Variants in ZFAND2A observed in about 807,000 individuals in gnomAD.
ZFAND2A encodes AN1-type zinc finger protein 2A.
A neutral mutation model predicts 11.6 loss-of-function variants in ZFAND2A; 20 were observed. The ratio of observed to expected loss-of-function variants is 1.72; its 90% CI spans 1.21 to 2.50. ZFAND2A has a LOEUF of 2.50. ZFAND2A is among the 30% of genes most tolerant of loss of function. ZFAND2A has a pLI of 0.00. For synonymous variants in ZFAND2A, 93 were observed against 60.6 expected (o/e 1.54, Z -2.48); for missense variants, 234 against 182.9 (o/e 1.28, Z -1.61).
chr7:1,157,559 A>T (rs1793558453), intron 3 of ZFAND2A, 97 bp downstream of exon 3: 2 of 1,213,468 alleles, frequency 1.6e-6, no homozygotes, highest in Non-Finnish European at 2.3e-6. Context: ...TTAATTTTCA[A>T]TGAGTTAGCC....
At chr7:1,149,608 G>A (rs1439543075), downstream of ZFAND2A, among the ~76,000 whole-genome samples, 1 of 152,224 alleles carries the variant, frequency 6.6e-6, no homozygotes. Flanking sequence ...TGTCGTGCAA[G>A]CATCCTACAG....
chr7:1,149,605 C>T (rs1793361132), downstream of ZFAND2A, among the ~76,000 whole-genome samples: 1 of 152,234 alleles, frequency 6.6e-6, no homozygotes, highest in African/African-American at 2.4e-5. Flanking sequence ...CATTGTCGTG[C>T]AAGCATCCTA....
At chr7:1,152,589 T>C (rs907664028), downstream of ZFAND2A, among the ~76,000 whole-genome samples, 1 of 152,190 alleles carries the variant, frequency 6.6e-6, no homozygotes, top group Non-Finnish European at 1.5e-5. Flanking sequence ...TGTGACCTTC[T>C]GTGGACACAG....
At chr7:1,156,725 G>T (rs1584028579) in intron 3 of ZFAND2A, among the ~76,000 whole-genome samples, 1 of 152,382 alleles carries the variant, frequency 6.6e-6, no homozygotes, top group East Asian at 1.9e-4. Flanking sequence ...ACGGAATTAT[G>T]AGCACACCCG....
chr7:1,149,820 T>C (rs560058586), downstream of ZFAND2A, among the ~76,000 whole-genome samples: 14 of 151,684 alleles, frequency 9.2e-5, no homozygotes, highest in African/African-American at 3.4e-4. Context: ...CCCAGTGTTC[T>C]GTGGGACTGC....
chr7:1,158,015 G>A, intron 2 of ZFAND2A, 143 bp downstream of exon 2: 1 of 873,942 alleles, frequency 1.1e-6, no homozygotes. Flanking sequence ...TGGATGCTAA[G>A]TGTCAAACAG....
chr7:1,159,577 C>A (rs1384342714), intron 1 of ZFAND2A, among the ~76,000 whole-genome samples: 1 of 78,370 alleles, frequency 1.3e-5, no homozygotes, highest in Non-Finnish European at 2.7e-5. Context: ...GGCCGGACCC[C>A]CAACAGCCAG....
downstream of ZFAND2A, chr7:1,152,311 C>G: frequency 6.3e-7 from 1 of 1,582,150 alleles, no homozygotes; most frequent in East Asian, 2.3e-5. Context: ...AATCTCCCAA[C>G]GGCCTGGATT....
chr7:1,157,872 G>T, intron 2 of ZFAND2A, 122 bp from the exon 3 acceptor site: 1 of 788,006 alleles, frequency 1.3e-6, no homozygotes, highest in Non-Finnish European at 2.0e-6. Flanking sequence ...GTCCTCGAGG[G>T]CCACACATGT....
At chr7:1,153,811 G>A (rs575220799) in intron 4 of ZFAND2A, among the ~76,000 whole-genome samples, 1 of 152,310 alleles carries the variant, frequency 6.6e-6, no homozygotes, top group African/African-American at 2.4e-5. Context: ...CAGGCATGGT[G>A]GCGTGGTGCC....
downstream of ZFAND2A, among the ~76,000 whole-genome samples, chr7:1,149,942 TC>T (rs1343171139): frequency 6.6e-6 from 1 of 150,396 alleles, no homozygotes; most frequent in Non-Finnish European, 1.5e-5. Flanking sequence ...AACCTCTGCC[TC>T]CCGGGTTCAA....
At chr7:1,158,029 C>T in intron 2 of ZFAND2A, 129 bp downstream of exon 2, 1 of 970,018 alleles carries the variant, frequency 1.0e-6, no homozygotes, top group Non-Finnish European at 1.6e-6. Flanking sequence ...CAAACAGAAC[C>T]TGCACCAGCA....
chr7:1,158,200 C>G lies in ZFAND2A; in HGVS notation c.13G>C (p.Asp5His). The G allele has an allele frequency of 6.2e-7, 1 of 1,614,134 alleles. No individual in the cohort carries two copies. The highest frequency in any genetic ancestry group is 8.5e-7 in the Non-Finnish European group (1 of 1,180,010). ...TTTTCTGAACAATGCTTCCCCAAAT[C>G]AGGAAACTCCATTATGAGAACAGTG... MEFP[D>H]LGKHCSEKTC... The change falls in exon 2 of 5, where the codon GAT (aspartate) becomes CAT (histidine). Residue 5 changes from aspartate to histidine, a missense_variant. Transcript: ENST00000316495.
intron 3 of ZFAND2A, among the ~76,000 whole-genome samples, chr7:1,156,058 T>C (rs1157784207): frequency 6.6e-6 from 1 of 152,226 alleles, no homozygotes; most frequent in East Asian, 1.9e-4. Context: ...TCCCAGGTAC[T>C]AACGACCGTC....
At chr7:1,158,305 G>T in intron 1 of ZFAND2A, 48 bp from the exon 2 acceptor site, 1 of 1,140,684 alleles carries the variant, frequency 8.8e-7, no homozygotes, top group Non-Finnish European at 1.3e-6. Flanking sequence ...CTGCCCTTCA[G>T]TCACCAGGAT....
In ZFAND2A at chr7:1,155,438, G is replaced by A. The variant is rs139203407; in HGVS notation, c.282+15C>T. ...GCTTCCCAGATGAAGGAACTGAGGCGGGCTCTGTCCTTACCTTCTCTTTCT... is the reference window on the plus strand; with the variant it reads ...GCTTCCCAGATGAAGGAACTGAGGCAGGCTCTGTCCTTACCTTCTCTTTCT... On this transcript the variant is annotated intron_variant, in intron 4 of 4. Transcript: ENST00000316495. 9.4e-4 allele frequency: 1,519 copies of A among 1,608,486 alleles called. 10 individuals are homozygous for A. In the African/African-American group the frequency reaches 0.017, roughly 18 times the overall value.
chr7:1,159,534 C>A (rs2128259559), intron 1 of ZFAND2A, among the ~76,000 whole-genome samples: 1 of 117,566 alleles, frequency 8.5e-6, no homozygotes, highest in African/African-American at 3.4e-5. Flanking sequence ...CCCCCAACAG[C>A]CAGACCCCGG....
intron 3 of ZFAND2A, 134 bp downstream of exon 3, chr7:1,157,522 T>A: frequency 1.2e-6 from 1 of 850,956 alleles, no homozygotes; most frequent in Non-Finnish European, 1.8e-6. Context: ...ACGAGGCTAG[T>A]GGGACTGAAA....
chr7:1,158,972 T>A (rs564822090), intron 1 of ZFAND2A, among the ~76,000 whole-genome samples: 1 of 151,832 alleles, frequency 6.6e-6, no homozygotes, highest in East Asian at 1.9e-4. Flanking sequence ...TCCCATCAGC[T>A]CTCTCCCCAC....
Sources: allele counts gnomAD v4.1 joint callset (sites outside exome capture counted in the v4.1 genomes callset), GRCh38; gene constraint gnomAD v4.1.1; transcripts MANE v1.5; gene names NCBI Gene and HGNC (gene_info 2026-07-23, HGNC 2026-07-21).